The following ZNF33B variants were observed in gnomAD, a reference collection of about 807,000 sequenced individuals.
ZNF33B encodes zinc finger protein 11b (KOX 2).
In ZNF33B, 29 loss-of-function variants were observed where a neutral mutation model predicts 45.8. The observed-to-expected ratio is 0.63, with a 90% CI of 0.47 to 0.86. The LOEUF is 0.86. Ranked by LOEUF, ZNF33B falls within the 40% of genes least tolerant of loss-of-function variation. The pLI, the probability that ZNF33B is intolerant of heterozygous loss-of-function variation, is 0.00. For missense variants in ZNF33B, 831 were observed against 909.9 expected, an observed-to-expected ratio of 0.91 and a Z score of 1.12; for synonymous variants, 305 against 307.8, an observed-to-expected ratio of 0.99 and a Z score of 0.10.
intron 2 of ZNF33B, among the ~76,000 whole-genome samples, chr10:42,635,256 A>T (rs1016138509): frequency 1.3e-5 from 2 of 151,788 alleles, no homozygotes; most frequent in African/African-American, 4.8e-5. Context: ...AAAAAAAAAA[A>T]TCAGACATCA....
chr10:42,634,003 T>C (rs1260774682), intron 2 of ZNF33B, among the ~76,000 whole-genome samples: 3 of 148,828 alleles, frequency 2.0e-5, no homozygotes, highest in Non-Finnish European at 4.5e-5. Flanking sequence ...AATATGAAGA[T>C]CAAGAATGAA....
chr10:42,610,044 T>C (rs1025385150), intron 4 of ZNF33B, among the ~76,000 whole-genome samples: 8 of 152,016 alleles, frequency 5.3e-5, no homozygotes, highest in African/African-American at 1.9e-4. Flanking sequence ...ACACAGCAGA[T>C]TGTAGTCAAC....
chr10:42,587,355 C>A (rs1836955947), downstream of ZNF33B, among the ~76,000 whole-genome samples: 1 of 152,054 alleles, frequency 6.6e-6, no homozygotes, highest in South Asian at 2.1e-4. Context: ...GCCCACAACA[C>A]CCAGCTAATT....
chr10:42,584,279 C>A (rs1439040165), downstream of ZNF33B, among the ~76,000 whole-genome samples: 1 of 152,238 alleles, frequency 6.6e-6, no homozygotes, highest in Admixed American at 6.5e-5. Context: ...AGTGACAGCA[C>A]TAGCCTGGGA....
At chr10:42,621,515 T>G (rs1200633208) in intron 4 of ZNF33B, among the ~76,000 whole-genome samples, 2 of 151,648 alleles carry the variant, frequency 1.3e-5, no homozygotes, top group East Asian at 3.9e-4. Flanking sequence ...AATGCCTGTG[T>G]GGTTCAACAT....
chr10:42,593,447 T>C lies in ZNF33B; in HGVS notation c.1503A>G (p.Ala501=). 5.0e-6 allele frequency: 8 copies of C among 1,614,118 alleles called. No homozygotes were observed. The highest frequency in any genetic ancestry group is 6.8e-6 in the Non-Finnish European group (8 of 1,179,998). The stretch of plus-strand genomic sequence containing the variant: ...ACTTGTGGTAGAAAGTTTTCCCACA[T>C]GCATTACATTCATAAGGTTTATCTC... ...HIGDKPYECN[A]CGKTFYHKSV... Residue 501 remains alanine (A), a synonymous_variant, in exon 5 of 5, where the codon GCA becomes GCG. Transcript: ENST00000359467.
intron 4 of ZNF33B, among the ~76,000 whole-genome samples, chr10:42,602,359 T>C (rs1378462857): frequency 6.6e-6 from 1 of 152,116 alleles, no homozygotes; most frequent in Non-Finnish European, 1.5e-5. Flanking sequence ...TTAGAACATA[T>C]GGAACCAAAT....
At chr10:42,582,274 G>T (rs1008221007) in intron 1 of ZNF33B, 1 of 152,048 alleles carries the variant, frequency 6.6e-6, no homozygotes, top group Non-Finnish European at 1.5e-5. Flanking sequence ...TGAACTCTGG[G>T]GTATATACGA....
At chr10:42,626,621 G>C (rs2132145132) in intron 4 of ZNF33B, among the ~76,000 whole-genome samples, 1 of 152,130 alleles carries the variant, frequency 6.6e-6, no homozygotes, top group Admixed American at 6.5e-5. Flanking sequence ...CTGGGAGGCA[G>C]AGGTTGCAGT....
rs41301637 is a variant in ZNF33B at position 42,582,780 on chromosome 10, G to A, written c.74-8102C>T. 5.0e-3 allele frequency: 1,012 copies of A among 201,416 alleles called. 4 individuals are homozygous for A. The highest frequency in any genetic ancestry group is 8.2e-3 in the Non-Finnish European group (810 of 98,750). 12.5% of individuals were successfully genotyped at this position (201,416 alleles called of 1,614,324 possible). On this transcript the variant is annotated intron_variant, in intron 1 of 1. Transcript: ENST00000462075. ...AGGCTGAGCTGGCTGCAGTGTGGAC[G>A]CTCCTCGGGAGGACAGCAGCTCCAA...
chr10:42,621,515 T>C (rs1200633208), intron 4 of ZNF33B, among the ~76,000 whole-genome samples: 3 of 151,648 alleles, frequency 2.0e-5, no homozygotes, highest in Non-Finnish European at 4.4e-5. Context: ...AATGCCTGTG[T>C]GGTTCAACAT....
At chr10:42,587,324 T>C (rs1836955356), downstream of ZNF33B, among the ~76,000 whole-genome samples, 1 of 152,096 alleles carries the variant, frequency 6.6e-6, no homozygotes, top group Non-Finnish European at 1.5e-5. Context: ...CTTAGCCTCC[T>C]GAGTAGCTGG....
At chr10:42,637,731 C>CA (rs1337495016) in intron 1 of ZNF33B, among the ~76,000 whole-genome samples, 1 of 152,170 alleles carries the variant, frequency 6.6e-6, no homozygotes, top group Non-Finnish European at 1.5e-5. Context: ...GGTGCAATCT[C>CA]AGCTACCTGC....
rs1677210350 is a variant in ZNF33B at position 42,594,332 on chromosome 10, A to C, written c.618T>G (p.Thr206=). ...AAGTTTGAATCTTCTCATGCTGCAA[A>C]GTGTTCTCACGATGACTCAGAGTGT... The part of the protein sequence containing the change: ...NRNTLSHREN[T]LQHEKIQTLD... Residue 206 remains threonine, a synonymous_variant, in exon 5 of 5, where the codon ACT becomes ACG. Transcript: ENST00000359467. 2 of 1,613,910 alleles carry C rather than the reference A, an allele frequency of 1.2e-6. No homozygotes were observed. Among genetic ancestry groups the C allele is most frequent in the East Asian group, 4.5e-5 (2 of 44,856 alleles).
chr10:42,592,528 G>C lies in ZNF33B; in HGVS notation c.*85C>G. ...TTGTGGATAGTTATTGAACATTCAG[G>C]ATGTCAACAGGCCCTTCTCCACAGT... On this transcript the variant is annotated 3_prime_UTR_variant, in exon 5 of 5. Transcript: ENST00000359467. The C allele has an allele frequency of 1.3e-6, 2 of 1,495,166 alleles. No homozygotes were observed. Among genetic ancestry groups the C allele is most frequent in the African/African-American group, 1.4e-5 (1 of 71,330 alleles). 92.6% of individuals were successfully genotyped at this position (1,495,166 alleles called of 1,614,324 possible).
rs202043861 is a variant in ZNF33B at position 42,632,247 on chromosome 10, T to C, written c.154+48A>G. ...GACAGACTGCCTATATGTTTTATAA[T>C]CAAAATAAACGAATGCTATTTAGAA... On this transcript the variant is annotated intron_variant, in intron 3 of 4. Coordinates refer to ENST00000359467, the MANE Select transcript of ZNF33B (RefSeq NM_006955.3). The C allele has an allele frequency of 7.3e-4, 1,159 of 1,577,540 alleles. 1 individual carries two copies. The highest frequency in any genetic ancestry group is 7.4e-4 in the Non-Finnish European group (859 of 1,164,404).
intron 4 of ZNF33B, among the ~76,000 whole-genome samples, chr10:42,615,177 T>C (rs867890936): frequency 2.8e-4 from 42 of 152,114 alleles, no homozygotes; most frequent in African/African-American, 9.4e-4. Context: ...CCCAAGAAAG[T>C]TAAACACAGA....
intron 1 of ZNF33B, chr10:42,583,273 A>G (rs764589893): frequency 5.8e-5 from 31 of 535,974 alleles, no homozygotes; most frequent in Non-Finnish European, 8.4e-5. Context: ...TCACTAAACC[A>G]CAGACAGGTG....
rs1408910329 is a variant in ZNF33B at position 42,590,962 on chromosome 10, T to C, written c.*1651A>G. On this transcript the variant is annotated 3_prime_UTR_variant, in exon 5 of 5. Coordinates refer to ENST00000359467, the MANE Select transcript of ZNF33B (RefSeq NM_006955.3). ...TTTGGATTTAATTTGCTCTTCTTTT[T>C]CTAGTTTTCCAAAGTGGAAGCTTAG... The C allele has an allele frequency of 1.8e-5, 3 of 163,436 alleles. No individual in the cohort carries two copies. Among genetic ancestry groups the C allele is most frequent in the African/African-American group, 7.2e-5 (3 of 41,682 alleles). The allele number at this position is 163,436 out of a possible 1,614,324, so 10.1% of individuals were successfully genotyped here.
Sources: allele counts gnomAD v4.1 joint callset (sites outside exome capture counted in the v4.1 genomes callset), GRCh38; gene constraint gnomAD v4.1.1; transcripts MANE v1.5; gene names NCBI Gene and HGNC (gene_info 2026-07-23, HGNC 2026-07-21).